Variants in NLRP2 observed in about 807,000 individuals in gnomAD.
The protein encoded by NLRP2 is NACHT, LRR and PYD domains-containing protein 2.
In NLRP2, 107 loss-of-function variants were observed where a neutral mutation model predicts 97.2. That is an observed-to-expected ratio of 1.10 (90% CI 0.94 to 1.29). The LOEUF (loss-of-function observed/expected upper bound fraction) is 1.29. Ranked by LOEUF, NLRP2 falls within the 50% of genes most tolerant of loss-of-function variation. The pLI is 0.00. For synonymous variants in NLRP2, 663 were observed against 551.5 expected, an observed-to-expected ratio of 1.20 and a Z score of -2.83; for missense variants, 1,495 against 1,330.3, an observed-to-expected ratio of 1.12 and a Z score of -1.93.
chr19:55,001,035 A>G lies in NLRP2; in HGVS notation c.*137A>G, dbSNP rs879776827. 39 of 755,252 alleles carry G rather than the reference A, an allele frequency of 5.2e-5. No homozygotes were observed. The highest frequency in any genetic ancestry group is 8.5e-5 in the Non-Finnish European group (37 of 437,772). The allele number at this position is 755,252 out of a possible 1,614,324, so 46.8% of individuals were successfully genotyped here. A position where few individuals can be genotyped will look rare whatever the true frequency, so the allele number is the denominator to read the frequency against. On this transcript the variant is annotated 3_prime_UTR_variant, in exon 13 of 13. Coordinates refer to ENST00000448584, the MANE Select transcript of NLRP2 (RefSeq NM_017852.5). ...TGCTGGGCTAGATGTTTTAGCCATGATTCTGCCTCTGTTTTATACCTGCAC... is the reference window on the plus strand; with the variant it reads ...TGCTGGGCTAGATGTTTTAGCCATGGTTCTGCCTCTGTTTTATACCTGCAC...
chr19:54,982,364 G>T lies in NLRP2; in HGVS notation c.666G>T (p.Leu222=), dbSNP rs770568681. The T allele has an allele frequency of 6.2e-7, 1 of 1,614,072 alleles. No individual in the cohort carries two copies. Among genetic ancestry groups the T allele is most frequent in the Non-Finnish European group, 8.5e-7 (1 of 1,180,024 alleles). ...CTGCAGGCCTTGGGAAAACCACGCT[G>T]GCCCAGAAACTAATGCTAGACTGGG... The part of the protein sequence containing the change: ...YGPAGLGKTT[L]AQKLMLDWAE... Residue 222 remains leucine (L), a synonymous_variant, in exon 6 of 13, where the codon CTG becomes CTT. Transcript: ENST00000448584.
chr19:54,993,548 C>T, intron 10 of NLRP2: 1 of 155,664 alleles, frequency 6.4e-6, no homozygotes, highest in Non-Finnish European at 1.4e-5. Flanking sequence ...GCCTGTAAGA[C>T]ACTACCTCTC....
chr19:54,992,552 T>C (rs866305738), intron 10 of NLRP2, among the ~76,000 whole-genome samples: 1 of 52,906 alleles, frequency 1.9e-5, no homozygotes, highest in Non-Finnish European at 3.6e-5. Context: ...GGGGGGGGGG[T>C]TTTCTTTTTT....
At position 55,000,270 on chromosome 19, in the gene NLRP2, C is replaced by CTTTTTTTTTTTTTT. The variant is rs1157138794; in HGVS notation, c.3051-464_3051-451dup. ...CCAGCTTGGGCAACAGAGAGACTGTCTTTTTTTTTTTTTTTTTTTTTTTTT... is the reference window on the plus strand; with the variant it reads ...CCAGCTTGGGCAACAGAGAGACTGTCTTTTTTTTTTTTTTTTTTTTTTTTTTTTTTTTTTTTTTT... On this transcript the variant is annotated intron_variant, in intron 12 of 12. Transcript: ENST00000448584. Among the ~76,000 whole-genome samples the CTTTTTTTTTTTTTT allele has an allele frequency of 6.1e-4, 22 of 36,026 alleles. 5 individuals are homozygous for CTTTTTTTTTTTTTT. Among genetic ancestry groups the CTTTTTTTTTTTTTT allele is most frequent in the South Asian group, 3.0e-3 (2 of 676 alleles). The allele number at this position is 36,026 out of a possible 152,430, so 23.6% of individuals were successfully genotyped here. A position where few individuals can be genotyped will look rare whatever the true frequency, so the allele number is the denominator to read the frequency against.
chr19:54,969,912 C>T, intron 1 of NLRP2, 87 bp from the exon 2 acceptor site: 3 of 1,337,644 alleles, frequency 2.2e-6, no homozygotes, highest in Admixed American at 3.4e-5. Flanking sequence ...GGTGAGTGTC[C>T]TTGTTCGTGG....
intron 2 of NLRP2, among the ~76,000 whole-genome samples, chr19:54,972,504 T>G (rs1199935453): frequency 6.6e-6 from 1 of 152,064 alleles, no homozygotes. Flanking sequence ...AAACGGGGTC[T>G]CGTTTTCTTG....
intron 4 of NLRP2, among the ~76,000 whole-genome samples, chr19:54,979,080 G>A (rs569976828): frequency 1.3e-5 from 2 of 151,760 alleles, no homozygotes; most frequent in Non-Finnish European, 2.9e-5. Flanking sequence ...TGCCTCCTGG[G>A]TTCAAGGGGT....
intron 8 of NLRP2, 51 bp downstream of exon 8, chr19:54,986,366 CA>C: frequency 6.6e-7 from 1 of 1,520,716 alleles, no homozygotes; most frequent in South Asian, 1.1e-5. Context: ...TAAGCTACCA[CA>C]AGCTTATGTG....
chr19:54,994,785 A>G (rs1458732766), intron 11 of NLRP2, among the ~76,000 whole-genome samples: 1 of 151,536 alleles, frequency 6.6e-6, no homozygotes, highest in African/African-American at 2.4e-5. Flanking sequence ...TAATTCTTGT[A>G]TTTTTAGTAG....
At chr19:54,997,937 A>G (rs184627495) in intron 12 of NLRP2, among the ~76,000 whole-genome samples, 3 of 149,736 alleles carry the variant, frequency 2.0e-5, no homozygotes, top group Middle Eastern at 3.5e-3. Flanking sequence ...GCTGCCGTCT[A>G]CCTGCTCATG....
chr19:54,995,672 C>T (rs1354202127), intron 11 of NLRP2, among the ~76,000 whole-genome samples: 2 of 152,046 alleles, frequency 1.3e-5, no homozygotes, highest in Non-Finnish European at 2.9e-5. Flanking sequence ...ACTTGGCTAT[C>T]TTACAAATAC....
In NLRP2 at chr19:55,000,924, T is replaced by A; in HGVS notation, c.*26T>A. 1 of 1,612,326 alleles carries A rather than the reference T, an allele frequency of 6.2e-7. No individual in the cohort carries two copies. ...ATCCCCCCGAGTCATTCATTCTCCA[T>A]GAAGTCATCGATTTTCCAGGTGTTG... On this transcript the variant is annotated 3_prime_UTR_variant, in exon 13 of 13. Coordinates refer to ENST00000448584, the MANE Select transcript of NLRP2 (RefSeq NM_017852.5).
Position 54,982,564 on chromosome 19 carries a change from G to A in NLRP2, c.866G>A (p.Gly289Asp). The change falls in exon 6 of 13, where the codon GGC becomes GAC. Residue 289 changes from glycine (G) to aspartate (D), a missense_variant. Physicochemically the swap from Gly to Asp is moderately conservative, Grantham distance 94. Transcript: ENST00000448584. Reference sequence around the variant, plus strand: ...CGGAAAATCTTGTTCGTGATTGACGGCTTTGATGAGCTGGGAGCCGCACCT... The same window carrying A: ...CGGAAAATCTTGTTCGTGATTGACGACTTTGATGAGCTGGGAGCCGCACCT... ...QARKILFVID[G>D]FDELGAAPGA... The A allele has an allele frequency of 1.2e-6, 2 of 1,614,202 alleles. No individual in the cohort carries two copies. The highest frequency in any genetic ancestry group is 1.7e-6 in the Non-Finnish European group (2 of 1,180,050).
At chr19:54,985,793 C>G (rs1393260449) in intron 7 of NLRP2, among the ~76,000 whole-genome samples, 1 of 151,840 alleles carries the variant, frequency 6.6e-6, no homozygotes, top group Non-Finnish European at 1.5e-5. Flanking sequence ...GTCAGGAGTT[C>G]AAGACCAGCC....
intron 10 of NLRP2, 161 bp downstream of exon 10, chr19:54,990,833 A>G (rs547197222): frequency 4.1e-6 from 3 of 731,038 alleles, no homozygotes; most frequent in African/African-American, 3.5e-5. Flanking sequence ...GGTAGGAAAA[A>G]AGTATAAGTA....
intron 2 of NLRP2, among the ~76,000 whole-genome samples, chr19:54,972,498 G>A (rs565801687): frequency 4.0e-5 from 6 of 151,794 alleles, no homozygotes; most frequent in South Asian, 2.1e-4. Flanking sequence ...TTTTTGAAAC[G>A]GGGTCTCGTT....
At chr19:54,970,396 G>T (rs541249594) in intron 2 of NLRP2, 101 bp downstream of exon 2, 6 of 1,414,566 alleles carry the variant, frequency 4.2e-6, no homozygotes, top group Non-Finnish European at 5.9e-6. Flanking sequence ...CACGCCTGTC[G>T]TCCCAGCCCT....
At position 54,981,789 on chromosome 19, in the gene NLRP2, A is replaced by G. The variant is rs141912780; in HGVS notation, c.463+107A>G. The G allele has an allele frequency of 5.0e-6, 4 of 795,444 alleles. No individual in the cohort carries two copies. In the Admixed American group the frequency reaches 5.5e-5, roughly 11 times the overall value. 49.3% of individuals were successfully genotyped at this position (795,444 alleles called of 1,614,324 possible). ...ACACAAAGCATTTATTTATGTATGTATGTATCGAGACGGAGTTTTGCTCTT... is the reference window on the plus strand; with the variant it reads ...ACACAAAGCATTTATTTATGTATGTGTGTATCGAGACGGAGTTTTGCTCTT... On this transcript the variant is annotated intron_variant, in intron 5 of 12. Transcript: ENST00000448584.
intron 8 of NLRP2, among the ~76,000 whole-genome samples, chr19:54,987,234 G>T (rs530138806): frequency 6.6e-6 from 1 of 151,656 alleles, no homozygotes; most frequent in Admixed American, 6.6e-5. Flanking sequence ...TTCACTCATG[G>T]TTCATGCTTC....
Sources: allele counts gnomAD v4.1 joint callset (sites outside exome capture counted in the v4.1 genomes callset), GRCh38; gene constraint gnomAD v4.1.1; transcripts MANE v1.5; gene names NCBI Gene and HGNC (gene_info 2026-07-23, HGNC 2026-07-21).